The following PCMTD1 variants were observed in gnomAD, a reference collection of about 807,000 sequenced individuals.
PCMTD1 encodes the protein protein-L-isoaspartate (D-aspartate) O-methyltransferase domain containing 1.
In PCMTD1, 12 loss-of-function variants were observed where a neutral mutation model predicts 37.6. The ratio of observed to expected loss-of-function variants is 0.32; its 90% CI spans 0.20 to 0.52. PCMTD1 has a LOEUF of 0.52. PCMTD1 is among the 20% of genes least tolerant of loss of function. PCMTD1 has a pLI of 0.97. For missense variants in PCMTD1, 235 were observed against 421.3 expected (o/e 0.56, Z 3.87); for synonymous variants, 117 against 135.8 (o/e 0.86, Z 0.96).
At chr8:51,846,803 C>T (rs2038227750) in intron 2 of PCMTD1, among the ~76,000 whole-genome samples, 1 of 152,130 alleles carries the variant, frequency 6.6e-6, no homozygotes, top group Non-Finnish European at 1.5e-5. Flanking sequence ...ATATGGTTTG[C>T]CATCTAGGAA....
intron 1 of PCMTD1, among the ~76,000 whole-genome samples, chr8:51,868,310 A>T (rs1191254606): frequency 2.6e-5 from 4 of 152,162 alleles, no homozygotes; most frequent in African/African-American, 9.7e-5. Flanking sequence ...CTAAAACCTT[A>T]TCTATGATGA....
chr8:51,824,673 C>G (rs1273288469), intron 5 of PCMTD1, among the ~76,000 whole-genome samples: 1 of 152,206 alleles, frequency 6.6e-6, no homozygotes, highest in Non-Finnish European at 1.5e-5. Context: ...CACTGACTTT[C>G]TTCAGAGAAC....
intron 1 of PCMTD1, among the ~76,000 whole-genome samples, chr8:51,881,790 T>A (rs973306695): frequency 4.6e-5 from 7 of 152,216 alleles, no homozygotes; most frequent in African/African-American, 1.7e-4. Context: ...TTTGCTCATA[T>A]CTGGGCTCCA....
intron 1 of PCMTD1, chr8:51,870,410 A>C (rs1314899297): frequency 6.6e-6 from 1 of 152,220 alleles, no homozygotes; most frequent in Non-Finnish European, 1.5e-5. Flanking sequence ...AGATATGATG[A>C]AATATAAATA....
At chr8:51,862,432 G>GT (rs1231169373) in intron 1 of PCMTD1, among the ~76,000 whole-genome samples, 1 of 152,056 alleles carries the variant, frequency 6.6e-6, no homozygotes, top group African/African-American at 2.4e-5. Context: ...GAATGCAAAT[G>GT]TAAGTGCAAT....
intron 5 of PCMTD1, among the ~76,000 whole-genome samples, chr8:51,826,058 T>G (rs1223682686): frequency 6.6e-6 from 1 of 152,142 alleles, no homozygotes; most frequent in Non-Finnish European, 1.5e-5. Flanking sequence ...TAAAGACACA[T>G]GCACATGTAT....
In PCMTD1 at chr8:51,820,215, TGACA is replaced by T; in HGVS notation, c.*132_*135del. ...TCACTGAATACATCATTTGTGTTAC[TGACA>T]GAAACAAGTGATTTTTTTTCCACTA... On this transcript the variant is annotated 3_prime_UTR_variant, in exon 6 of 6. Transcript: ENST00000522514. The T allele has an allele frequency of 1.6e-6, 1 of 641,922 alleles. No individual in the cohort carries two copies. The highest frequency in any genetic ancestry group is 3.3e-5 in the East Asian group (1 of 29,882). 39.8% of individuals were successfully genotyped at this position (641,922 alleles called of 1,614,324 possible).
intron 1 of PCMTD1, among the ~76,000 whole-genome samples, chr8:51,883,733 A>G (rs1050886773): frequency 9.9e-5 from 15 of 152,162 alleles, no homozygotes; most frequent in Middle Eastern, 3.2e-3. Context: ...TGGCATCTGA[A>G]TTCTCTGCAG....
At chr8:51,894,418 T>C (rs1237253198) in intron 1 of PCMTD1, among the ~76,000 whole-genome samples, 8 of 152,308 alleles carry the variant, frequency 5.3e-5, no homozygotes, top group South Asian at 2.1e-4. Context: ...AGAGGCACAG[T>C]GGTCAAGAAC....
intron 2 of PCMTD1, among the ~76,000 whole-genome samples, chr8:51,858,854 A>AG (rs1025577334): frequency 2.6e-5 from 4 of 152,194 alleles, no homozygotes; most frequent in Non-Finnish European, 5.9e-5. Flanking sequence ...GAAACTATCT[A>AG]GTGCATTGTA....
At chr8:51,851,724 T>C (rs897017972) in intron 2 of PCMTD1, among the ~76,000 whole-genome samples, 1 of 151,938 alleles carries the variant, frequency 6.6e-6, no homozygotes, top group Non-Finnish European at 1.5e-5. Flanking sequence ...GGCATGACCT[T>C]GGCTCACCAC....
chr8:51,820,780 AT>A (rs35006940), intron 5 of PCMTD1, 62 bp from the exon 6 acceptor site: 2 of 1,360,684 alleles, frequency 1.5e-6, no homozygotes, highest in Non-Finnish European at 9.7e-7. Flanking sequence ...TCTATTGTTT[AT>A]TTTTTTCATA....
At chr8:51,885,907 T>G (rs2038859319) in intron 1 of PCMTD1, among the ~76,000 whole-genome samples, 1 of 152,236 alleles carries the variant, frequency 6.6e-6, no homozygotes, top group African/African-American at 2.4e-5. Context: ...TTGTAATTTG[T>G]GTTATCCAAT....
intron 5 of PCMTD1, among the ~76,000 whole-genome samples, chr8:51,830,032 G>A (rs1004011336): frequency 2.6e-5 from 4 of 152,032 alleles, no homozygotes; most frequent in Non-Finnish European, 4.4e-5. Flanking sequence ...TCCATTTCAA[G>A]CTCTCATTTG....
At chr8:51,850,418 A>G (rs2038288450) in intron 2 of PCMTD1, among the ~76,000 whole-genome samples, 1 of 152,150 alleles carries the variant, frequency 6.6e-6, no homozygotes, top group Admixed American at 6.5e-5. Context: ...GATTAAATTT[A>G]ATTTGATTTA....
chr8:51,890,690 C>A (rs2038924224), intron 1 of PCMTD1, among the ~76,000 whole-genome samples: 1 of 152,214 alleles, frequency 6.6e-6, no homozygotes, highest in Non-Finnish European at 1.5e-5. Flanking sequence ...ATCCATCCAC[C>A]AGCACACCTG....
intron 3 of PCMTD1, among the ~76,000 whole-genome samples, chr8:51,840,804 A>T (rs1281294675): frequency 6.6e-6 from 1 of 152,156 alleles, no homozygotes; most frequent in South Asian, 2.1e-4. Context: ...AAATATGAGT[A>T]ATGAATTGCC....
chr8:51,872,199 G>C (rs1321852759), intron 1 of PCMTD1, among the ~76,000 whole-genome samples: 3 of 148,216 alleles, frequency 2.0e-5, no homozygotes, highest in Non-Finnish European at 4.4e-5. Context: ...GATCCCCAAA[G>C]CCTTTCCTCC....
intron 4 of PCMTD1, among the ~76,000 whole-genome samples, chr8:51,833,262 C>A (rs2129276349): frequency 6.6e-6 from 1 of 152,320 alleles, no homozygotes; most frequent in East Asian, 1.9e-4. Flanking sequence ...GCTTGCTGAA[C>A]ACCAGGCACA....
Sources: gnomAD v4.1 joint callset for allele counts (sites outside exome capture counted in the v4.1 genomes callset) on GRCh38, gnomAD v4.1.1 for gene constraint, MANE v1.5 for transcripts, NCBI Gene and HGNC (gene_info 2026-07-23, HGNC 2026-07-21) for gene names.